NAV3: variants seen among roughly 807,000 people sequenced by gnomAD.
NAV3 encodes the protein neuron navigator 3, also known as pore membrane and/or filament interacting like protein 1.
In NAV3, 87 loss-of-function variants were observed where a neutral mutation model predicts 244.7. The observed-to-expected ratio is 0.36, with a 90% confidence interval of 0.30 to 0.42. The LOEUF (loss-of-function observed/expected upper bound fraction) is 0.42, where lower values mean the gene tolerates loss of function less well. Among genes scored for constraint, NAV3 ranks in the 20% least tolerant of loss-of-function variants. The pLI is 1.00. For synonymous variants in NAV3, 1,126 were observed against 1,042.2 expected (o/e 1.08, Z -1.55); for missense variants, 2,663 against 2,893.3 (o/e 0.92, Z 1.83).
intron 2 of NAV3, among the ~76,000 whole-genome samples, chr12:77,770,751 CA>C (rs1383247117): frequency 6.6e-6 from 1 of 152,104 alleles, no homozygotes; most frequent in Non-Finnish European, 1.5e-5. Flanking sequence ...ACACCTTATA[CA>C]AAAATTAATT....
At chr12:78,074,451 C>G (rs1162488127) in intron 12 of NAV3, among the ~76,000 whole-genome samples, 1 of 152,136 alleles carries the variant, frequency 6.6e-6, no homozygotes, top group Non-Finnish European at 1.5e-5. Context: ...CCTGTAATCC[C>G]AGCACTTTGG....
intron 2 of NAV3, among the ~76,000 whole-genome samples, chr12:77,797,695 G>C (rs908551218): frequency 2.0e-5 from 3 of 151,488 alleles, no homozygotes; most frequent in African/African-American, 7.3e-5. Flanking sequence ...ACAACAATTA[G>C]CCAGGGGTGG....
intron 39 of NAV3, among the ~76,000 whole-genome samples, chr12:78,206,175 T>G (rs1251079127): frequency 6.6e-6 from 1 of 152,116 alleles, no homozygotes; most frequent in East Asian, 1.9e-4. Flanking sequence ...AGTATATATA[T>G]AGACCTACTT....
intron 34 of NAV3, among the ~76,000 whole-genome samples, chr12:78,193,426 G>T (rs1959066993): frequency 6.6e-6 from 1 of 152,154 alleles, no homozygotes; most frequent in African/African-American, 2.4e-5. Flanking sequence ...GTACCTGATA[G>T]ATTCCTTTTT....
intron 2 of NAV3, among the ~76,000 whole-genome samples, chr12:77,633,015 T>G (rs1397341945): frequency 6.6e-6 from 1 of 152,122 alleles, no homozygotes; most frequent in Non-Finnish European, 1.5e-5. Context: ...CAATTTTGAT[T>G]TAGGGGTTCA....
At position 77,696,186 on chromosome 12, in the gene NAV3, C is replaced by T. The variant is rs371309814; in HGVS notation, c.72+123920C>T. Among the ~76,000 whole-genome samples the T allele has an allele frequency of 1.2e-4, 18 of 152,234 alleles. 2 individuals carry two copies. The highest frequency in any genetic ancestry group is 9.2e-4 in the Admixed American group (14 of 15,284). ...TTGATACCTATGCCCTTATGTAATC[C>T]CCTTTCCTTGAGTGTATGCTGTCCT... On this transcript the variant is annotated intron_variant, in intron 2 of 8. Transcript: ENST00000550042.
At chr12:77,846,269 C>T (rs2136210430) in intron 1 of NAV3, among the ~76,000 whole-genome samples, 1 of 152,246 alleles carries the variant, frequency 6.6e-6, no homozygotes, top group South Asian at 2.1e-4. Flanking sequence ...TCTGAGAATC[C>T]ACTGTCAGGA....
chr12:78,115,493 C>A (rs1052065829), intron 12 of NAV3, among the ~76,000 whole-genome samples: 3 of 152,106 alleles, frequency 2.0e-5, no homozygotes, highest in Non-Finnish European at 1.5e-5. Flanking sequence ...TAATCTAATG[C>A]ATTCACTAAA....
chr12:77,781,192 G>A (rs941441434), intron 2 of NAV3, among the ~76,000 whole-genome samples: 1 of 152,138 alleles, frequency 6.6e-6, no homozygotes, highest in South Asian at 2.1e-4. Context: ...CCAACCATCT[G>A]AATGGACCTC....
At chr12:77,765,444 C>T (rs1000746920) in intron 2 of NAV3, among the ~76,000 whole-genome samples, 11 of 152,036 alleles carry the variant, frequency 7.2e-5, no homozygotes, top group African/African-American at 2.2e-4. Context: ...AAGAGAAGTC[C>T]GTTACAAAAG....
rs2136589828 is a variant in NAV3 at position 78,007,171 on chromosome 12, A to T, written c.1633A>T (p.Ser545Cys). 3 of 1,614,200 alleles carry T rather than the reference A, an allele frequency of 1.9e-6. No homozygotes were observed. Among genetic ancestry groups the T allele is most frequent in the Non-Finnish European group, 1.7e-6 (2 of 1,180,046 alleles). Reference sequence around the variant, plus strand: ...AGTAAAGCAAACCATTTCACCTGGCAGCACAGCAAGCAAAGAGTCTGAGAA... The same window carrying T: ...AGTAAAGCAAACCATTTCACCTGGCTGCACAGCAAGCAAAGAGTCTGAGAA... ...PTVKQTISPG[S>C]TASKESEKFR... The change falls in exon 8 of 40, where the codon AGC becomes TGC. Residue 545 changes from serine (S) to cysteine (C), a missense_variant. Transcript: ENST00000397909.
intron 1 of NAV3, among the ~76,000 whole-genome samples, chr12:77,890,847 T>A (rs149588376): frequency 2.6e-5 from 4 of 152,236 alleles, no homozygotes; most frequent in African/African-American, 9.6e-5. Context: ...CGAGTTCTCC[T>A]GAAAGTAAAT....
At chr12:78,009,278 T>C (rs905146149) in intron 8 of NAV3, among the ~76,000 whole-genome samples, 2 of 151,730 alleles carry the variant, frequency 1.3e-5, no homozygotes, top group Admixed American at 6.6e-5. Flanking sequence ...TTTGACCTCT[T>C]TAACAACAAG....
intron 1 of NAV3, among the ~76,000 whole-genome samples, chr12:77,859,855 A>G (rs966633028): frequency 2.7e-5 from 4 of 150,622 alleles, no homozygotes; most frequent in African/African-American, 9.7e-5. Flanking sequence ...TTTGCCCTGA[A>G]TTTGAACCCT....
chr12:77,682,076 G>A (rs1054441485), intron 2 of NAV3, among the ~76,000 whole-genome samples: 1 of 152,016 alleles, frequency 6.6e-6, no homozygotes, highest in Non-Finnish European at 1.5e-5. Flanking sequence ...GATCCCTTGA[G>A]CTTATTCCTC....
chr12:78,127,072 T>C (rs1955941293), intron 16 of NAV3, 95 bp from the exon 17 acceptor site: 2 of 1,253,352 alleles, frequency 1.6e-6, no homozygotes, highest in East Asian at 4.7e-5. Context: ...TACCAAAAAA[T>C]TATTTTTTAT....
intron 23 of NAV3, among the ~76,000 whole-genome samples, chr12:78,164,173 A>G (rs1957682039): frequency 6.6e-6 from 1 of 152,152 alleles, no homozygotes; most frequent in Non-Finnish European, 1.5e-5. Flanking sequence ...TTTAAAATTT[A>G]AAAGACTTTC....
At chr12:78,139,088 T>C (rs115706548) in intron 19 of NAV3, among the ~76,000 whole-genome samples, 1,493 of 136,772 alleles carry the variant, frequency 0.011, 22 homozygotes, top group African/African-American at 0.036. Context: ...TTATTAGAGA[T>C]AGAAAGAATT....
At chr12:77,855,571 A>G (rs770997779) in intron 1 of NAV3, among the ~76,000 whole-genome samples, 4 of 152,232 alleles carry the variant, frequency 2.6e-5, no homozygotes, top group Non-Finnish European at 4.4e-5. Flanking sequence ...ATTCACATCC[A>G]TCTTGAATCT....
Sources: gnomAD v4.1 joint callset for allele counts (sites outside exome capture counted in the v4.1 genomes callset) on GRCh38, gnomAD v4.1.1 for gene constraint, MANE v1.5 for transcripts, NCBI Gene and HGNC (gene_info 2026-07-23, HGNC 2026-07-21) for gene names.